MAGI2: variants seen among roughly 807,000 people sequenced by gnomAD.
The protein encoded by MAGI2 is membrane associated guanylate kinase, WW and PDZ domain containing 2.
A neutral mutation model predicts 133.3 loss-of-function variants in MAGI2; 35 were observed. The observed-to-expected ratio is 0.26, with a 90% confidence interval of 0.20 to 0.35. The LOEUF (loss-of-function observed/expected upper bound fraction) is 0.35. MAGI2 is among the 10% of genes least tolerant of loss of function. The probability of loss-of-function intolerance (pLI) is 1.00; values close to 1 mark genes in which losing one functional copy is unlikely to be tolerated. For synonymous variants in MAGI2, 729 were observed against 710.6 expected, an observed-to-expected ratio of 1.03 and a Z score of -0.41; for missense variants, 1,636 against 1,863.4, an observed-to-expected ratio of 0.88 and a Z score of 2.25.
chr7:78,485,962 T>C (rs181868718), intron 6 of MAGI2: 168 of 152,078 alleles, frequency 1.1e-3, no homozygotes, highest in African/African-American at 3.8e-3. Context: ...TTTAAAGAAA[T>C]CAGAAACTAG....
At chr7:78,512,063 C>CG (rs1795642624) in intron 4 of MAGI2, among the ~76,000 whole-genome samples, 1 of 150,430 alleles carries the variant, frequency 6.6e-6, no homozygotes, top group Non-Finnish European at 1.5e-5. Context: ...GCGGAGCTTG[C>CG]GGTGAGCGGA....
chr7:78,092,175 A>G (rs1042595178), intron 20 of MAGI2, among the ~76,000 whole-genome samples: 4 of 152,204 alleles, frequency 2.6e-5, no homozygotes, highest in African/African-American at 9.6e-5. Context: ...TCTGAGGTCT[A>G]CTATCTTTGT....
intron 3 of MAGI2, among the ~76,000 whole-genome samples, chr7:78,549,530 A>G (rs1799158121): frequency 6.6e-6 from 1 of 152,040 alleles, no homozygotes. Context: ...CAAATCCTAA[A>G]TCTTCCTACT....
At chr7:78,910,281 T>TTTTA (rs1554603669) in intron 2 of MAGI2, among the ~76,000 whole-genome samples, 57 of 148,790 alleles carry the variant, frequency 3.8e-4, no homozygotes, top group African/African-American at 1.3e-3. Flanking sequence ...TTTTTTTTTT[T>TTTTA]AAAGGAAAAA....
At chr7:79,252,799 A>T (rs1242481124) in intron 1 of MAGI2, among the ~76,000 whole-genome samples, 1 of 152,186 alleles carries the variant, frequency 6.6e-6, no homozygotes, top group African/African-American at 2.4e-5. Flanking sequence ...TTAAGAGACA[A>T]ATTCTTACTT....
At chr7:78,733,529 T>G (rs1485247913) in intron 2 of MAGI2, among the ~76,000 whole-genome samples, 1 of 152,184 alleles carries the variant, frequency 6.6e-6, no homozygotes, top group Non-Finnish European at 1.5e-5. Flanking sequence ...CTAGTAAAAT[T>G]CTCTTTCTGA....
At chr7:78,519,736 C>G (rs867516433) in intron 4 of MAGI2, among the ~76,000 whole-genome samples, 1 of 152,140 alleles carries the variant, frequency 6.6e-6, no homozygotes, top group African/African-American at 2.4e-5. Flanking sequence ...ACTTTATTTG[C>G]CCTACACAGA....
At chr7:78,959,145 C>A (rs541054350) in intron 2 of MAGI2, among the ~76,000 whole-genome samples, 2 of 152,158 alleles carry the variant, frequency 1.3e-5, no homozygotes, top group South Asian at 2.1e-4. Context: ...GCTTTTACAT[C>A]ATTTATGTGT....
At chr7:79,353,696 C>A (rs552786036) in intron 1 of MAGI2, 3 of 308,704 alleles carry the variant, frequency 9.7e-6, no homozygotes, top group Admixed American at 3.9e-5. Context: ...AGCCTGGTCA[C>A]CATGTTGATT....
chr7:78,918,163 A>G (rs1452244959), intron 2 of MAGI2, among the ~76,000 whole-genome samples: 1 of 152,182 alleles, frequency 6.6e-6, no homozygotes, highest in Non-Finnish European at 1.5e-5. Flanking sequence ...GAATAGCAAA[A>G]GACACTTCTA....
At chr7:78,078,887 A>G (rs1208878721) in intron 21 of MAGI2, 60 bp downstream of exon 21, 4 of 1,604,458 alleles carry the variant, frequency 2.5e-6, no homozygotes, top group Admixed American at 1.7e-5. Flanking sequence ...ATAAATAACC[A>G]TAAGCATTTA....
intron 9 of MAGI2, among the ~76,000 whole-genome samples, chr7:78,277,702 C>A (rs569877254): frequency 1.5e-4 from 23 of 152,124 alleles, no homozygotes; most frequent in Admixed American, 4.6e-4. Flanking sequence ...AACAGTAGAA[C>A]ATCAGATTGG....
At position 78,426,959 on chromosome 7, in the gene MAGI2, C is replaced by G. The variant is rs112229329; in HGVS notation, c.1046-57746G>C. Among the ~76,000 whole-genome samples the G allele has an allele frequency of 7.4e-4, 112 of 152,228 alleles. 2 individuals carry two copies. The highest frequency in any genetic ancestry group is 2.6e-3 in the African/African-American group (106 of 41,538). ...TACGCACGTGTAATACATATGACAA[C>G]AGTAGCACAAAAGACATGTGGGTGG... On this transcript the variant is annotated intron_variant, in intron 6 of 21. Transcript: ENST00000354212.
At chr7:79,148,819 A>G (rs1822895271) in intron 1 of MAGI2, among the ~76,000 whole-genome samples, 1 of 148,566 alleles carries the variant, frequency 6.7e-6, no homozygotes, top group Non-Finnish European at 1.5e-5. Context: ...GTGGTTATCC[A>G]TATATATATA....
At chr7:78,872,358 A>T (rs925698273) in intron 2 of MAGI2, among the ~76,000 whole-genome samples, 4 of 152,102 alleles carry the variant, frequency 2.6e-5, no homozygotes, top group Admixed American at 2.6e-4. Context: ...TAAGAACACA[A>T]GATTGCTTAA....
chr7:78,133,081 G>A (rs752745040), intron 17 of MAGI2, 21 bp from the exon 18 acceptor site: 6 of 1,520,886 alleles, frequency 3.9e-6, no homozygotes, highest in African/African-American at 1.4e-5. Flanking sequence ...GAACCAAAGC[G>A]GCAGATGCAG....
intron 3 of MAGI2, among the ~76,000 whole-genome samples, chr7:78,535,026 G>A (rs1797765833): frequency 1.3e-5 from 2 of 152,274 alleles, no homozygotes; most frequent in South Asian, 2.1e-4. Flanking sequence ...CCAGCTACTT[G>A]GGAGGCTGAG....
chr7:78,382,530 G>T (rs894736439), intron 6 of MAGI2, among the ~76,000 whole-genome samples: 6 of 151,960 alleles, frequency 3.9e-5, no homozygotes, highest in Non-Finnish European at 8.8e-5. Flanking sequence ...AACTCATTGA[G>T]GTTCAAAAGA....
At chr7:78,292,194 A>C (rs550541272) in intron 9 of MAGI2, among the ~76,000 whole-genome samples, 1 of 152,350 alleles carries the variant, frequency 6.6e-6, no homozygotes, top group South Asian at 2.1e-4. Context: ...CCATTGTCTC[A>C]GCCCAAAACC....
Sources: gnomAD v4.1 joint callset for allele counts (sites outside exome capture counted in the v4.1 genomes callset) on GRCh38, gnomAD v4.1.1 for gene constraint, MANE v1.5 for transcripts, NCBI Gene and HGNC (gene_info 2026-07-23, HGNC 2026-07-21) for gene names.